Variants in ATRN observed in about 807,000 individuals in gnomAD.
ATRN encodes the protein attractin, also known as attractin-2.
ATRN carries 54 observed loss-of-function variants against 178.7 expected under a neutral mutation model. The observed-to-expected ratio is 0.30, with a 90% CI of 0.24 to 0.38. The LOEUF is 0.38. Among genes scored for constraint, ATRN ranks in the 10% least tolerant of loss-of-function variants. The pLI, the probability that ATRN is intolerant of heterozygous loss-of-function variation, is 1.00. For synonymous variants in ATRN, 636 were observed against 663.0 expected (o/e 0.96, Z 0.63); for missense variants, 1,443 against 1,815.1 (o/e 0.79, Z 3.73).
intron 1 of ATRN, chr20:3,489,899 G>GT: frequency 7.8e-7 from 1 of 1,285,694 alleles, no homozygotes; most frequent in African/African-American, 1.5e-5. Flanking sequence ...GGTTTTTGGG[G>GT]TTGTAAATGA....
intron 24 of ATRN, among the ~76,000 whole-genome samples, chr20:3,619,055 G>A (rs1600162625): frequency 6.6e-6 from 1 of 152,160 alleles, no homozygotes; most frequent in South Asian, 2.1e-4. Flanking sequence ...TGGTGGGGCC[G>A]CTGGTCCCAG....
At chr20:3,524,051 G>A (rs1340563582) in intron 1 of ATRN, among the ~76,000 whole-genome samples, 2 of 152,054 alleles carry the variant, frequency 1.3e-5, no homozygotes, top group Non-Finnish European at 2.9e-5. Flanking sequence ...GACAAGATCA[G>A]ATTCACACAT....
At chr20:3,586,822 T>C (rs2086364024) in intron 18 of ATRN, among the ~76,000 whole-genome samples, 1 of 152,260 alleles carries the variant, frequency 6.6e-6, no homozygotes, top group African/African-American at 2.4e-5. Flanking sequence ...AGGCATGAGA[T>C]TTTGTAGAGT....
intron 1 of ATRN, among the ~76,000 whole-genome samples, chr20:3,517,766 G>A (rs1285783026): frequency 2.6e-5 from 4 of 151,808 alleles, no homozygotes; most frequent in African/African-American, 4.8e-5. Context: ...GTGAGACTCC[G>A]TCTCAAACAT....
intron 25 of ATRN, among the ~76,000 whole-genome samples, chr20:3,633,399 G>A (rs1340536826): frequency 6.6e-6 from 1 of 152,176 alleles, no homozygotes; most frequent in Non-Finnish European, 1.5e-5. Context: ...GGGCTGTGTT[G>A]GTGTCAGCAG....
At chr20:3,558,911 A>G (rs181577688) in intron 6 of ATRN, among the ~76,000 whole-genome samples, 1 of 152,298 alleles carries the variant, frequency 6.6e-6, no homozygotes, top group Admixed American at 6.5e-5. Flanking sequence ...TCGTAGTACA[A>G]GTGAAATGCT....
At chr20:3,567,216 G>A (rs768944702) in intron 11 of ATRN, among the ~76,000 whole-genome samples, 12 of 152,104 alleles carry the variant, frequency 7.9e-5, no homozygotes, top group African/African-American at 2.2e-4. Context: ...CATCTGAAAC[G>A]CAGTGGGACC....
intron 3 of ATRN, among the ~76,000 whole-genome samples, chr20:3,543,342 G>T (rs934177186): frequency 6.6e-6 from 1 of 152,196 alleles, no homozygotes; most frequent in South Asian, 2.1e-4. Flanking sequence ...ATATTTGTTA[G>T]TTGAATACAT....
chr20:3,587,138 G>A (rs550084107), intron 18 of ATRN, among the ~76,000 whole-genome samples: 124 of 152,114 alleles, frequency 8.2e-4, no homozygotes, highest in Non-Finnish European at 1.3e-3. Context: ...GTCCCTTATT[G>A]GATATATTAT....
At chr20:3,575,718 A>T (rs2086198894) in intron 12 of ATRN, 109 bp from the exon 13 acceptor site, 2 of 1,243,892 alleles carry the variant, frequency 1.6e-6, no homozygotes, top group Admixed American at 2.3e-5. Flanking sequence ...TGCCAGTTTC[A>T]TTCTTCATTT....
chr20:3,553,512 A>G (rs575823791), intron 6 of ATRN, among the ~76,000 whole-genome samples: 32 of 152,298 alleles, frequency 2.1e-4, no homozygotes, highest in African/African-American at 7.7e-4. Context: ...CTGGGGTGCC[A>G]TTGAACAATA....
intron 10 of ATRN, among the ~76,000 whole-genome samples, 191 bp downstream of exon 10, chr20:3,563,554 T>C (rs925434782): frequency 6.6e-6 from 1 of 152,260 alleles, no homozygotes; most frequent in Admixed American, 6.5e-5. Flanking sequence ...TTAAATTCTT[T>C]TTGAAATCAC....
Position 3,534,768 on chromosome 20 carries a change from A to G in ATRN, c.411-485A>G, listed in dbSNP as rs180762272. On this transcript the variant is annotated intron_variant, in intron 1 of 28. Transcript: ENST00000262919. ...AGGATTGCTTGAGGCCAGAAGTTCA[A>G]GCGTGGGCAACATCGTGAGACTCTG... Among the ~76,000 whole-genome samples, 4 of 152,326 alleles carry G rather than the reference A, an allele frequency of 2.6e-5. No individual in the cohort carries two copies. In the East Asian group the frequency reaches 7.7e-4, roughly 29 times the overall value.
chr20:3,477,242 A>G (rs1293646513), intron 1 of ATRN, among the ~76,000 whole-genome samples: 2 of 84,196 alleles, frequency 2.4e-5, no homozygotes, highest in Non-Finnish European at 4.8e-5. Context: ...CCCCAGTGCA[A>G]TGTAAGTTCC....
intron 6 of ATRN, among the ~76,000 whole-genome samples, chr20:3,552,193 C>G (rs987814393): frequency 2.0e-5 from 3 of 152,078 alleles, no homozygotes; most frequent in African/African-American, 7.2e-5. Flanking sequence ...GATGTCAGAC[C>G]AGGGCTTAAC....
Position 3,644,205 on chromosome 20 carries a change from G to A in ATRN, c.4102G>A (p.Val1368Ile). 2 of 1,614,198 alleles carry A rather than the reference G, an allele frequency of 1.2e-6. No individual in the cohort carries two copies. Among genetic ancestry groups the A allele is most frequent in the Non-Finnish European group, 1.7e-6 (2 of 1,180,026 alleles). Residue 1368 changes from valine to isoleucine, a missense_variant, in exon 28 of 29, where the codon GTC becomes ATC. Val to Ile is a conservative substitution (Grantham distance 29). Around this residue, in one of 4 missense-constraint regions of ATRN, gnomAD observed 289 missense variants for 440.8 expected, o/e 0.66. Transcript: ENST00000262919. ...LEPCFGNKAA[V>I]LSVFVRLPRG... ...GCCGTGTTTTGGCAACAAAGCCGCT[G>A]TCCTCTCTGTGTTTGTGAGGCTCCC...
At chr20:3,492,236 TAGG>T (rs1393642995) in intron 1 of ATRN, among the ~76,000 whole-genome samples, 1 of 145,014 alleles carries the variant, frequency 6.9e-6, no homozygotes, top group Non-Finnish European at 1.5e-5. Context: ...GGGAATATGG[TAGG>T]AGCAAAAGCA....
chr20:3,486,916 A>G (rs961306326), intron 1 of ATRN, among the ~76,000 whole-genome samples: 4 of 152,056 alleles, frequency 2.6e-5, no homozygotes, highest in Non-Finnish European at 4.4e-5. Flanking sequence ...TTTACATTTT[A>G]TTTGTTATTA....
chr20:3,592,886 C>T (rs922359365), intron 19 of ATRN, among the ~76,000 whole-genome samples: 3 of 152,222 alleles, frequency 2.0e-5, no homozygotes, highest in Non-Finnish European at 1.5e-5. Context: ...CTCCACTACT[C>T]CTAAGTAAAA....
Sources: allele counts gnomAD v4.1 joint callset (sites outside exome capture counted in the v4.1 genomes callset), GRCh38; gene constraint gnomAD v4.1.1; regional missense constraint gnomAD v4.1.1; transcripts MANE v1.5; gene names NCBI Gene and HGNC (gene_info 2026-07-23, HGNC 2026-07-21).